Variants in DCDC1 observed in about 807,000 individuals in gnomAD.
DCDC1 encodes the protein doublecortin domain-containing protein 1.
A neutral mutation model predicts 178.3 loss-of-function variants in DCDC1; 200 were observed. The ratio of observed to expected loss-of-function variants is 1.12; its 90% CI spans 1.00 to 1.26. The LOEUF is 1.26. DCDC1 is among the 50% of genes most tolerant of loss of function. The pLI, the probability that DCDC1 is intolerant of heterozygous loss-of-function variation, is 0.00. For missense variants in DCDC1, 1,983 were observed against 1,749.2 expected (o/e 1.13, Z -2.38); for synonymous variants, 690 against 604.8 (o/e 1.14, Z -2.07).
At chr11:31,247,804 C>A (rs1943679745) in intron 8 of DCDC1, among the ~76,000 whole-genome samples, 2 of 152,108 alleles carry the variant, frequency 1.3e-5, no homozygotes, top group South Asian at 4.1e-4. Context: ...ATTGTCTGAT[C>A]TTTCTTTCCC....
chr11:31,095,014 A>G (rs1326450916), intron 15 of DCDC1, among the ~76,000 whole-genome samples: 1 of 151,456 alleles, frequency 6.6e-6, no homozygotes, highest in East Asian at 1.9e-4. Context: ...TCATTGTTCA[A>G]CTCCCACTTA....
intron 38 of DCDC1, among the ~76,000 whole-genome samples, chr11:30,870,529 C>G (rs1333059095): frequency 6.6e-6 from 1 of 152,142 alleles, no homozygotes; most frequent in Non-Finnish European, 1.5e-5. Flanking sequence ...TTTATCCTAT[C>G]AAAATGACTA....
intron 20 of DCDC1, among the ~76,000 whole-genome samples, chr11:30,976,589 C>T (rs1950115943): frequency 6.6e-6 from 1 of 150,598 alleles, no homozygotes; most frequent in Non-Finnish European, 1.5e-5. Context: ...AAATACTCAA[C>T]ATCACTAATC....
At chr11:31,189,597 A>G (rs887027078) in intron 9 of DCDC1, among the ~76,000 whole-genome samples, 11 of 152,222 alleles carry the variant, frequency 7.2e-5, no homozygotes, top group Admixed American at 7.2e-4. Context: ...TGTAGGTTGC[A>G]GGGGAGAACC....
Position 30,957,038 on chromosome 11 carries a change from C to G in DCDC1, c.2592-4470G>C, listed in dbSNP as rs780314463. 6.4e-4 allele frequency among the ~76,000 whole-genome samples: 98 copies of G among 152,180 alleles called. 1 individual carries two copies. The highest frequency in any genetic ancestry group is 3.4e-4 in the Non-Finnish European group (23 of 68,032). On this transcript the variant is annotated intron_variant, in intron 20 of 38. Coordinates refer to ENST00000684477, the MANE Select transcript of DCDC1 (RefSeq NM_001387274.1). ...CTCCCACCAGCAAATCTACCCAGCT[C>G]CCTACCTCTGTACCCATACACTCTG...
intron 20 of DCDC1, among the ~76,000 whole-genome samples, chr11:31,031,672 T>C (rs577072272): frequency 3.4e-4 from 51 of 152,234 alleles, no homozygotes; most frequent in Non-Finnish European, 8.8e-5. Context: ...TATCATATTT[T>C]ATTACTATAA....
intron 5 of DCDC1, 39 bp from the exon 6 acceptor site, chr11:31,305,816 C>T (rs1330379129): frequency 6.3e-7 from 1 of 1,599,336 alleles, no homozygotes; most frequent in Admixed American, 1.7e-5. Flanking sequence ...TGATTTACTA[C>T]AAAGAAAGTA....
At chr11:30,913,404 C>CA (rs1187943898) in intron 27 of DCDC1, among the ~76,000 whole-genome samples, 113 of 143,910 alleles carry the variant, frequency 7.9e-4, no homozygotes, top group African/African-American at 1.9e-3. Flanking sequence ...GACTCTGTCT[C>CA]AAAAAAAAAA....
chr11:31,333,407 T>G (rs1047075653), intron 2 of DCDC1, among the ~76,000 whole-genome samples: 5 of 152,202 alleles, frequency 3.3e-5, no homozygotes, highest in African/African-American at 9.7e-5. Context: ...ATGTGTGAAT[T>G]TGATCCTGTC....
intron 36 of DCDC1, among the ~76,000 whole-genome samples, chr11:30,888,694 G>A (rs1476119512): frequency 1.3e-5 from 2 of 152,158 alleles, no homozygotes; most frequent in South Asian, 2.1e-4. Flanking sequence ...TCCAGCCTGG[G>A]CAACAAAAGT....
At chr11:30,967,849 C>A (rs1418574186) in intron 20 of DCDC1, among the ~76,000 whole-genome samples, 1 of 151,742 alleles carries the variant, frequency 6.6e-6, no homozygotes, top group Non-Finnish European at 1.5e-5. Context: ...GAACAAGAAA[C>A]TGAAAAACAA....
intron 9 of DCDC1, among the ~76,000 whole-genome samples, chr11:31,197,754 C>T (rs988060419): frequency 3.3e-5 from 5 of 152,018 alleles, no homozygotes; most frequent in African/African-American, 9.7e-5. Flanking sequence ...TATAATTACA[C>T]GTAATGTATA....
chr11:30,950,364 G>A (rs1948345219), intron 21 of DCDC1, among the ~76,000 whole-genome samples: 1 of 152,080 alleles, frequency 6.6e-6, no homozygotes, highest in Non-Finnish European at 1.5e-5. Flanking sequence ...CAAAAGAAAG[G>A]AAACCAATAC....
intron 20 of DCDC1, among the ~76,000 whole-genome samples, chr11:30,973,078 C>A (rs1369242898): frequency 6.6e-6 from 1 of 151,770 alleles, no homozygotes; most frequent in East Asian, 1.9e-4. Context: ...TCGAGACCAG[C>A]CTGGGCAACA....
chr11:31,284,441 G>A (rs971129069), intron 7 of DCDC1, among the ~76,000 whole-genome samples: 1 of 151,954 alleles, frequency 6.6e-6, no homozygotes, highest in Non-Finnish European at 1.5e-5. Context: ...CCAGAAACTC[G>A]ATAAAGTTCA....
chr11:31,032,210 TA>T (rs1555017717), intron 20 of DCDC1, among the ~76,000 whole-genome samples: 2 of 152,150 alleles, frequency 1.3e-5, no homozygotes, highest in Non-Finnish European at 2.9e-5. Flanking sequence ...TCTCAGGATC[TA>T]AATGAACTCC....
rs1249122475 is a variant in DCDC1 at position 30,888,144 on chromosome 11, AAGAAAGAAAG to A, written c.5082+4664_5082+4673del. Reference sequence around the variant, plus strand: ...AAAGAAAGAAAGAAAGAAAGAAAGAAAGAAAGAAAGAAAGAAAGGGAAAGAAAGAAAGAGA... The same window carrying A: ...AAAGAAAGAAAGAAAGAAAGAAAGAAAAAGAAAGGGAAAGAAAGAAAGAGA... On this transcript the variant is annotated intron_variant, in intron 36 of 38. Coordinates refer to ENST00000684477, the MANE Select transcript of DCDC1 (RefSeq NM_001387274.1). Among the ~76,000 whole-genome samples the A allele has an allele frequency of 2.1e-5, 3 of 142,020 alleles. No individual in the cohort carries two copies. The Admixed American group carries it at 2.4e-4, about 11-fold the overall frequency. The allele number at this position is 142,020 out of a possible 152,430, so 93.2% of individuals were successfully genotyped here. A position where few individuals can be genotyped will look rare whatever the true frequency, so the allele number is the denominator to read the frequency against.
chr11:31,312,257 T>G (rs1222098599), intron 3 of DCDC1, among the ~76,000 whole-genome samples: 2 of 152,162 alleles, frequency 1.3e-5, no homozygotes, highest in Non-Finnish European at 2.9e-5. Context: ...CTACATAGCA[T>G]TTATGTCAGA....
chr11:31,176,552 G>T (rs1279016206), intron 9 of DCDC1, among the ~76,000 whole-genome samples: 1 of 152,052 alleles, frequency 6.6e-6, no homozygotes, highest in Non-Finnish European at 1.5e-5. Context: ...AAGCCCAAAG[G>T]TTCCCAATTA....
Sources: allele counts gnomAD v4.1 joint callset (sites outside exome capture counted in the v4.1 genomes callset), GRCh38; gene constraint gnomAD v4.1.1; transcripts MANE v1.5; gene names NCBI Gene and HGNC (gene_info 2026-07-23, HGNC 2026-07-21).